HLCS: variants seen among roughly 807,000 people sequenced by gnomAD.
HLCS encodes biotin--protein ligase.
HLCS carries 53 observed loss-of-function variants against 75.0 expected under a neutral mutation model. The ratio of observed to expected loss-of-function variants is 0.71; its 90% CI spans 0.57 to 0.89. HLCS has a LOEUF of 0.89. Among genes scored for constraint, HLCS ranks in the 40% least tolerant of loss-of-function variants. HLCS has a pLI of 0.00. For missense variants in HLCS, 966 were observed against 1,074.0 expected (o/e 0.90, Z 1.41); for synonymous variants, 431 against 428.6 (o/e 1.01, Z -0.07).
chr21:36,822,338 T>A (rs2061870474), intron 6 of HLCS, among the ~76,000 whole-genome samples: 1 of 152,100 alleles, frequency 6.6e-6, no homozygotes. Context: ...AAGAATTGCT[T>A]GAACCCGGGA....
chr21:36,888,432 T>TTA (rs1491373570), intron 6 of HLCS, among the ~76,000 whole-genome samples: 29 of 23,778 alleles, frequency 1.2e-3, no homozygotes, highest in African/African-American at 3.2e-3. Flanking sequence ...CCTTCCCATT[T>TTA]AAAAAAAAAA....
In HLCS at chr21:36,842,113, G is replaced by C. The variant is rs1190404233; in HGVS notation, c.1892+54747C>G. On this transcript the variant is annotated intron_variant, in intron 6 of 10. Coordinates refer to ENST00000674895, the MANE Select transcript of HLCS (RefSeq NM_001352514.2). The surrounding 1 kb of genome is among the most constrained non-coding windows in gnomAD (Gnocchi z 4.2). ...AATAGTAGAAGATAAACAAATTGTG[G>C]GATACTCACCCAAAGAAGTATTTTA... 6.6e-6 allele frequency among the ~76,000 whole-genome samples: 1 copy of C among 152,080 alleles called. No individual in the cohort carries two copies. The highest frequency in any genetic ancestry group is 1.5e-5 in the Non-Finnish European group (1 of 68,024).
intron 5 of HLCS, among the ~76,000 whole-genome samples, chr21:36,915,154 T>C (rs928845): frequency 0.36 from 54,827 of 152,094 alleles, 10,291 homozygotes; most frequent in Middle Eastern, 0.47. Flanking sequence ...GACTCTGGCA[T>C]GGGATCCTGC....
At chr21:36,854,329 C>T (rs1176969838) in intron 6 of HLCS, among the ~76,000 whole-genome samples, 2 of 152,152 alleles carry the variant, frequency 1.3e-5, no homozygotes, top group Non-Finnish European at 2.9e-5. Flanking sequence ...ATTACTCTAC[C>T]ACAGGAACAA....
At chr21:36,886,863 A>G (rs557127248) in intron 6 of HLCS, among the ~76,000 whole-genome samples, 1 of 152,274 alleles carries the variant, frequency 6.6e-6, no homozygotes, top group Admixed American at 6.5e-5. Flanking sequence ...CTGGTGGCTC[A>G]TGCCTGTAAT....
chr21:36,875,756 C>T (rs1166479408), intron 6 of HLCS, among the ~76,000 whole-genome samples: 3 of 152,238 alleles, frequency 2.0e-5, no homozygotes, highest in Non-Finnish European at 4.4e-5. Flanking sequence ...AACTTGGGAC[C>T]TGCCCAATGG....
rs1429481108 is a variant in HLCS at position 36,752,658 on chromosome 21, T to C, written c.*1588A>G. 6.6e-6 allele frequency: 1 copy of C among 152,664 alleles called. No homozygotes were observed. The highest frequency in any genetic ancestry group is 1.9e-4 in the East Asian group (1 of 5,198). The allele number at this position is 152,664 out of a possible 1,614,324, so 9.5% of individuals were successfully genotyped here. On this transcript the variant is annotated 3_prime_UTR_variant, in exon 11 of 11. Transcript: ENST00000674895. ...TTTTTTTGTGTTTTTTGTTTGTTTG[T>C]TTTTTGAGAAAAATAATTCTAATTG...
intron 6 of HLCS, among the ~76,000 whole-genome samples, chr21:36,854,347 C>T (rs540937319): frequency 4.6e-5 from 7 of 152,256 alleles, no homozygotes; most frequent in Admixed American, 2.0e-4. Flanking sequence ...CAAAAGCTCC[C>T]GGGGTTCCCA....
intron 6 of HLCS, among the ~76,000 whole-genome samples, chr21:36,797,899 C>T (rs2145906606): frequency 6.6e-6 from 1 of 152,238 alleles, no homozygotes; most frequent in South Asian, 2.1e-4. Context: ...CAGCAGTAGA[C>T]CAAGTAGGCT....
intron 2 of HLCS, chr21:36,947,511 A>G (rs2067462325): frequency 1.0e-6 from 1 of 985,286 alleles, no homozygotes; most frequent in Non-Finnish European, 1.2e-6. Context: ...GCACTTCGAG[A>G]TGGAAACAAA....
rs1385439986 is a variant in HLCS at position 36,750,470 on chromosome 21, C to T, written c.*3776G>A. The stretch of plus-strand genomic sequence containing the variant: ...GGTATCTGCAAGAGCCTGTATTTTC[C>T]GCCTCCCTTGCCCCCACTCCTTTTA... On this transcript the variant is annotated 3_prime_UTR_variant, in exon 11 of 11. Transcript: ENST00000674895. 6.6e-6 allele frequency among the ~76,000 whole-genome samples: 1 copy of T among 152,152 alleles called. No homozygotes were observed. The highest frequency in any genetic ancestry group is 1.5e-5 in the Non-Finnish European group (1 of 68,032).
chr21:36,868,626 A>G (rs999727018), intron 6 of HLCS, among the ~76,000 whole-genome samples: 3 of 152,160 alleles, frequency 2.0e-5, no homozygotes, highest in African/African-American at 7.2e-5. Context: ...CATAAAATAT[A>G]AAGAAAATGA....
intron 6 of HLCS, among the ~76,000 whole-genome samples, chr21:36,807,926 A>G (rs2061407665): frequency 6.6e-6 from 1 of 152,342 alleles, no homozygotes; most frequent in East Asian, 1.9e-4. Flanking sequence ...GAATCAGCTA[A>G]AAACTATTAG....
chr21:36,881,715 TG>T (rs1036279122), intron 6 of HLCS, among the ~76,000 whole-genome samples: 3 of 152,214 alleles, frequency 2.0e-5, no homozygotes, highest in African/African-American at 7.2e-5. Flanking sequence ...TCAGGCCAGC[TG>T]GGCCTCAGTG....
chr21:36,763,378 T>C (rs547704508), intron 8 of HLCS, among the ~76,000 whole-genome samples: 3 of 152,320 alleles, frequency 2.0e-5, no homozygotes, highest in East Asian at 3.9e-4. Context: ...GCCGGGCACC[T>C]GAAGCCCTGT....
chr21:36,788,822 T>G (rs2060774219), intron 6 of HLCS, among the ~76,000 whole-genome samples: 1 of 152,312 alleles, frequency 6.6e-6, no homozygotes, highest in South Asian at 2.1e-4. Context: ...CCAGAGCTCT[T>G]TAATTGCTAG....
At position 36,936,547 on chromosome 21, in the gene HLCS, G is replaced by C; in HGVS notation, c.1339C>G (p.Pro447Ala). The change falls in exon 4 of 11, where the codon CCC (proline) becomes GCC (alanine). Residue 447 changes from proline (P) to alanine (A), a missense_variant. Pro to Ala is a conservative substitution (Grantham distance 27). Transcript: ENST00000674895. ...RYQEGPVRLS[P>A]GRLQGHLENE... Reference sequence around the variant, plus strand: ...TCCAGGTGGCCCTGGAGCCTGCCGGGGCTGAGCCGGACGGGGCCTTCCTGG... The same window carrying C: ...TCCAGGTGGCCCTGGAGCCTGCCGGCGCTGAGCCGGACGGGGCCTTCCTGG... 2 of 1,614,180 alleles carry C rather than the reference G, an allele frequency of 1.2e-6. No homozygotes were observed. Among genetic ancestry groups the C allele is most frequent in the South Asian group, 1.1e-5 (1 of 91,080 alleles).
chr21:36,875,448 C>T (rs572876154), intron 6 of HLCS, among the ~76,000 whole-genome samples: 5 of 152,328 alleles, frequency 3.3e-5, no homozygotes, highest in East Asian at 1.9e-4. Flanking sequence ...TGGAAGACCC[C>T]GCTGAGAGCT....
intron 6 of HLCS, among the ~76,000 whole-genome samples, chr21:36,890,315 G>A (rs116853951): frequency 1.2e-3 from 182 of 152,284 alleles, no homozygotes; most frequent in African/African-American, 4.1e-3. Flanking sequence ...ATTCATGGTC[G>A]GGAAGACATG....
Sources: gnomAD v4.1 joint callset for allele counts (sites outside exome capture counted in the v4.1 genomes callset) on GRCh38, gnomAD v4.1.1 for gene constraint, Gnocchi (gnomAD v3.1) non-coding constraint, MANE v1.5 for transcripts, NCBI Gene and HGNC (gene_info 2026-07-23, HGNC 2026-07-21) for gene names.